The following KLRG1 variants were observed in gnomAD, a reference collection of about 807,000 sequenced individuals.
KLRG1 encodes killer cell lectin-like receptor subfamily G member 1.
A neutral mutation model predicts 21.8 loss-of-function variants in KLRG1; 16 were observed. That is an observed-to-expected ratio of 0.73 (90% CI 0.50 to 1.11). The LOEUF (loss-of-function observed/expected upper bound fraction) is 1.11. Among genes scored for constraint, KLRG1 ranks in the 50% most tolerant of loss-of-function variants. KLRG1 has a pLI of 0.00. For missense variants in KLRG1, 173 were observed against 218.3 expected (o/e 0.79, Z 1.31); for synonymous variants, 69 against 75.9 (o/e 0.91, Z 0.47).
chr12:9,196,797 T>C, the KLRG1 span: 1 of 915,888 alleles, frequency 1.1e-6, no homozygotes, highest in South Asian at 1.5e-5. Flanking sequence ...TTAAGTAAGT[T>C]AATTGACCTT....
chr12:9,020,342 G>A, the KLRG1 span, among the ~76,000 whole-genome samples: 6 of 152,152 alleles, frequency 3.9e-5, no homozygotes, highest in Non-Finnish European at 8.8e-5. Context: ...AATCAGCAGA[G>A]TGAATATATC....
the KLRG1 span, among the ~76,000 whole-genome samples, chr12:9,118,329 G>A: frequency 6.6e-6 from 1 of 152,126 alleles, no homozygotes; most frequent in African/African-American, 2.4e-5. Context: ...GTGACTGGAG[G>A]GCAAGTGGAA....
chr12:9,186,539 G>C, the KLRG1 span, among the ~76,000 whole-genome samples: 1 of 152,088 alleles, frequency 6.6e-6, no homozygotes, highest in Non-Finnish European at 1.5e-5. Flanking sequence ...TGATAGGCTC[G>C]AGATAAAGGA....
At chr12:9,112,425 G>T in the KLRG1 span, 1 of 1,613,948 alleles carries the variant, frequency 6.2e-7, no homozygotes, top group South Asian at 1.1e-5. Context: ...ACAAAGACCA[G>T]ACTGTCCTCG....
the KLRG1 span, chr12:9,164,149 C>A: frequency 6.2e-7 from 1 of 1,611,644 alleles, no homozygotes; most frequent in South Asian, 1.1e-5. Flanking sequence ...TTTTAGGAGT[C>A]ACTGTCCAAG....
chr12:9,156,193 C>T, the KLRG1 span: 1 of 207,088 alleles, frequency 4.8e-6, no homozygotes. Flanking sequence ...TTTGTGAAGT[C>T]AGTTCCTGCA....
At chr12:9,150,528 G>T in the KLRG1 span, 4 of 682,434 alleles carry the variant, frequency 5.9e-6, no homozygotes, top group South Asian at 1.9e-5. Flanking sequence ...TGTACATCTT[G>T]GAGGAAAGAA....
At chr12:9,051,364 AG>A in the KLRG1 span, among the ~76,000 whole-genome samples, 1 of 152,168 alleles carries the variant, frequency 6.6e-6, no homozygotes, top group African/African-American at 2.4e-5. Flanking sequence ...AGCAGATGTC[AG>A]GATGACCTGT....
chr12:9,202,582 T>C, the KLRG1 span: 1 of 1,614,146 alleles, frequency 6.2e-7, no homozygotes, highest in Non-Finnish European at 8.5e-7. Context: ...AGACTTTGGG[T>C]GTTCAGTACC....
chr12:9,089,914 A>G, the KLRG1 span: 35 of 1,610,274 alleles, frequency 2.2e-5, no homozygotes, highest in Non-Finnish European at 2.9e-5. Context: ...CAACCAACAG[A>G]GGCTTGATGA....
chr12:9,008,805 G>T (rs1947553307), intron 3 of KLRG1, among the ~76,000 whole-genome samples, 170 bp from the exon 4 acceptor site: 1 of 152,180 alleles, frequency 6.6e-6, no homozygotes, highest in Admixed American at 6.5e-5. Flanking sequence ...TCAACATATT[G>T]ATTTTAGGAC....
chr12:9,068,118 G>T, the KLRG1 span: 1 of 1,541,592 alleles, frequency 6.5e-7, no homozygotes, highest in Non-Finnish European at 8.9e-7. Context: ...TTTTATGAAG[G>T]AGAAGGTTTG....
chr12:9,150,126 C>T, the KLRG1 span, among the ~76,000 whole-genome samples: 1 of 152,120 alleles, frequency 6.6e-6, no homozygotes, highest in Admixed American at 6.5e-5. Context: ...AATAGTCTTT[C>T]CTGTTATGTA....
At chr12:9,023,781 C>G in the KLRG1 span, among the ~76,000 whole-genome samples, 8 of 151,870 alleles carry the variant, frequency 5.3e-5, no homozygotes, top group Admixed American at 5.3e-4. Flanking sequence ...GTCTTGATCT[C>G]CTGGCCTTAA....
At chr12:9,097,111 A>C in the KLRG1 span, among the ~76,000 whole-genome samples, 4 of 152,206 alleles carry the variant, frequency 2.6e-5, no homozygotes, top group Admixed American at 2.0e-4. Flanking sequence ...TATAATTTGA[A>C]AAATTCTTTG....
the KLRG1 span, among the ~76,000 whole-genome samples, chr12:9,155,052 G>C: frequency 6.6e-6 from 1 of 152,150 alleles, no homozygotes; most frequent in Non-Finnish European, 1.5e-5. Flanking sequence ...GTTGATGGAG[G>C]AAGAAGCATA....
chr12:9,154,613 G>A, the KLRG1 span: 7 of 1,613,546 alleles, frequency 4.3e-6, no homozygotes, highest in Non-Finnish European at 5.1e-6. Flanking sequence ...GGGAACCACT[G>A]ACCTGGGTGG....
chr12:9,092,409 C>T, the KLRG1 span, among the ~76,000 whole-genome samples: 9,585 of 152,010 alleles, frequency 0.063, 1,004 homozygotes, highest in African/African-American at 0.22. Flanking sequence ...AGTGGCTACC[C>T]GCCCCCACCA....
the KLRG1 span, chr12:9,181,874 C>T: frequency 7.6e-7 from 1 of 1,317,082 alleles, no homozygotes; most frequent in South Asian, 1.5e-5. Flanking sequence ...TGTTGGGCAA[C>T]TCATTTTACT....
Sources: allele counts gnomAD v4.1 joint callset (sites outside exome capture counted in the v4.1 genomes callset), GRCh38; gene constraint gnomAD v4.1.1; transcripts MANE v1.5; gene names NCBI Gene and HGNC (gene_info 2026-07-23, HGNC 2026-07-21).